Variants in EYS observed in about 807,000 individuals in gnomAD.
EYS encodes protein eyes shut homolog.
In EYS, 250 loss-of-function variants were observed where a neutral mutation model predicts 282.1. The ratio of observed to expected loss-of-function variants is 0.89; its 90% CI spans 0.80 to 0.98. The LOEUF (loss-of-function observed/expected upper bound fraction) is 0.98, where lower values mean the gene tolerates loss of function less well. Among genes scored for constraint, EYS ranks in the 50% least tolerant of loss-of-function variants. The pLI is 0.00. For missense variants in EYS, 4,016 were observed against 3,709.0 expected, an observed-to-expected ratio of 1.08 and a Z score of -2.15; for synonymous variants, 1,355 against 1,282.9, an observed-to-expected ratio of 1.06 and a Z score of -1.20.
At chr6:65,008,465 A>T (rs1369413121) in intron 13 of EYS, among the ~76,000 whole-genome samples, 3 of 85,308 alleles carry the variant, frequency 3.5e-5, no homozygotes, top group Non-Finnish European at 7.0e-5. Context: ...AAATGGGATA[A>T]AAAAAAAGGC....
intron 30 of EYS, among the ~76,000 whole-genome samples, chr6:64,239,372 A>C (rs1766717835): frequency 6.6e-6 from 1 of 152,202 alleles, no homozygotes; most frequent in South Asian, 2.1e-4. Flanking sequence ...TCCTACCAAC[A>C]GTGTAAAAGC....
intron 2 of EYS, among the ~76,000 whole-genome samples, chr6:65,595,371 T>C (rs192852724): frequency 6.6e-6 from 1 of 151,756 alleles, no homozygotes; most frequent in Non-Finnish European, 1.5e-5. Flanking sequence ...CTAATGTAAA[T>C]GACAAGTTAA....
At chr6:63,960,554 T>C (rs1288890755) in intron 35 of EYS, among the ~76,000 whole-genome samples, 1 of 152,174 alleles carries the variant, frequency 6.6e-6, no homozygotes, top group Non-Finnish European at 1.5e-5. Context: ...TTAAACAGCA[T>C]TGGGTACTAC....
At chr6:63,921,095 A>T (rs1320423085) in intron 35 of EYS, among the ~76,000 whole-genome samples, 1 of 152,058 alleles carries the variant, frequency 6.6e-6, no homozygotes, top group African/African-American at 2.4e-5. Context: ...ACAGGGTTTC[A>T]CCGTGTTAAC....
chr6:63,724,962 C>T (rs552332537), intron 42 of EYS, among the ~76,000 whole-genome samples: 7 of 152,080 alleles, frequency 4.6e-5, no homozygotes, highest in Non-Finnish European at 1.0e-4. Flanking sequence ...AAGTACAGGA[C>T]TGTCAGCTGC....
At chr6:64,438,787 C>G (rs1338068100) in intron 27 of EYS, among the ~76,000 whole-genome samples, 4 of 151,558 alleles carry the variant, frequency 2.6e-5, no homozygotes, top group African/African-American at 9.7e-5. Context: ...TAAGAACACT[C>G]TCTTGTCTTC....
At chr6:64,350,419 A>G (rs963894967) in intron 29 of EYS, among the ~76,000 whole-genome samples, 4 of 151,286 alleles carry the variant, frequency 2.6e-5, no homozygotes, top group Non-Finnish European at 5.9e-5. Context: ...AGTTTACAGT[A>G]ATTCCTTGTT....
intron 22 of EYS, among the ~76,000 whole-genome samples, chr6:64,739,849 G>T (rs896867641): frequency 2.6e-5 from 4 of 151,912 alleles, no homozygotes; most frequent in African/African-American, 7.3e-5. Flanking sequence ...ATTTTGTAGG[G>T]GCAGGGGAAA....
chr6:63,991,070 C>A (rs1461835392), intron 34 of EYS, among the ~76,000 whole-genome samples: 1 of 151,592 alleles, frequency 6.6e-6, no homozygotes, highest in Non-Finnish European at 1.5e-5. Flanking sequence ...TGTGGCAGAT[C>A]CAGAGAACCT....
intron 5 of EYS, among the ~76,000 whole-genome samples, chr6:65,482,718 G>T (rs1765651201): frequency 1.3e-5 from 2 of 152,142 alleles, no homozygotes; most frequent in South Asian, 4.1e-4. Context: ...TGGATCTCTT[G>T]TTATCTGTCC....
rs1582566320 is a variant in EYS, at chr6:65,653,195, T to G, written c.-447-13303A>C. On this transcript the variant is annotated intron_variant, in intron 1 of 42. Coordinates refer to ENST00000503581, the MANE Select transcript of EYS (RefSeq NM_001142800.2). ...CTTAATTTTTATCTGTGCCTACCTTTGTCCAAAACCACCCAGAAGCAGATG... is the reference window on the plus strand; with the variant it reads ...CTTAATTTTTATCTGTGCCTACCTTGGTCCAAAACCACCCAGAAGCAGATG... Among the ~76,000 whole-genome samples, 7 of 151,934 alleles carry G rather than the reference T, an allele frequency of 4.6e-5. No homozygotes were observed. In the South Asian group the frequency reaches 1.4e-3, roughly 31 times the overall value.
chr6:64,532,636 G>A (rs927870550), intron 26 of EYS, among the ~76,000 whole-genome samples: 1 of 152,146 alleles, frequency 6.6e-6, no homozygotes, highest in Non-Finnish European at 1.5e-5. Flanking sequence ...GTGAACCCGG[G>A]AGGTGGAGTT....
intron 5 of EYS, among the ~76,000 whole-genome samples, chr6:65,406,118 A>G (rs1250360495): frequency 6.6e-6 from 1 of 152,124 alleles, no homozygotes; most frequent in Non-Finnish European, 1.5e-5. Context: ...TCATTCTAGT[A>G]AATGTACAAT....
intron 31 of EYS, among the ~76,000 whole-genome samples, chr6:64,201,857 G>C (rs1380653577): frequency 6.6e-6 from 1 of 152,138 alleles, no homozygotes; most frequent in Non-Finnish European, 1.5e-5. Flanking sequence ...TTATCAACTA[G>C]GAGTGATTTT....
intron 13 of EYS, among the ~76,000 whole-genome samples, chr6:65,031,920 A>G (rs1250232587): frequency 6.6e-6 from 1 of 152,148 alleles, no homozygotes; most frequent in African/African-American, 2.4e-5. Flanking sequence ...CATACAAAAG[A>G]TAAACAAAAC....
intron 12 of EYS, among the ~76,000 whole-genome samples, chr6:65,113,336 A>G (rs1775270889): frequency 6.6e-6 from 1 of 152,036 alleles, no homozygotes; most frequent in Admixed American, 6.5e-5. Flanking sequence ...TTGACAATCT[A>G]TATGATGAGT....
chr6:65,166,265 CA>C (rs944072511), intron 12 of EYS, among the ~76,000 whole-genome samples: 10 of 151,038 alleles, frequency 6.6e-5, no homozygotes, highest in Admixed American at 2.0e-4. Flanking sequence ...GACAGAGTCA[CA>C]AAATCGTCCA....
intron 12 of EYS, among the ~76,000 whole-genome samples, chr6:65,071,954 C>A (rs956734922): frequency 8.6e-5 from 13 of 151,746 alleles, no homozygotes; most frequent in African/African-American, 3.1e-4. Context: ...ATCTTCTGAA[C>A]CTACTAGTGT....
chr6:63,735,603 T>A (rs2149637746), intron 41 of EYS, among the ~76,000 whole-genome samples: 1 of 152,158 alleles, frequency 6.6e-6, no homozygotes, highest in South Asian at 2.1e-4. Flanking sequence ...CTAGTCAATG[T>A]TTCCCGTAAA....
Sources: allele counts gnomAD v4.1 joint callset (sites outside exome capture counted in the v4.1 genomes callset), GRCh38; gene constraint gnomAD v4.1.1; transcripts MANE v1.5; gene names NCBI Gene and HGNC (gene_info 2026-07-23, HGNC 2026-07-21).